Variants in CPM observed in about 807,000 individuals in gnomAD.
The protein encoded by CPM is carboxypeptidase M, also known as renal carboxypeptidase.
A neutral mutation model predicts 46.4 loss-of-function variants in CPM; 35 were observed. The observed-to-expected ratio is 0.75, with a 90% CI of 0.58 to 1.00. The LOEUF (loss-of-function observed/expected upper bound fraction) is 1.00, where lower values mean the gene tolerates loss of function less well. Among genes scored for constraint, CPM ranks in the 50% least tolerant of loss-of-function variants. CPM has a pLI of 0.00. For missense variants in CPM, 422 were observed against 530.4 expected (o/e 0.80, Z 2.01); for synonymous variants, 195 against 195.3 (o/e 1.00, Z 0.01).
intron 3 of CPM, among the ~76,000 whole-genome samples, chr12:68,876,487 A>G (rs2136239015): frequency 6.6e-6 from 1 of 152,350 alleles, no homozygotes; most frequent in African/African-American, 2.4e-5. Flanking sequence ...AGTCTTTGAC[A>G]GGAAACCCTG....
At chr12:68,928,620 T>C (rs1236047153) in intron 2 of CPM, among the ~76,000 whole-genome samples, 1 of 152,230 alleles carries the variant, frequency 6.6e-6, no homozygotes, top group African/African-American at 2.4e-5. Flanking sequence ...CAGAGACTAC[T>C]AAATTTGGCT....
chr12:68,953,612 G>A (rs1888969989), intron 1 of CPM, among the ~76,000 whole-genome samples: 2 of 152,292 alleles, frequency 1.3e-5, no homozygotes, highest in South Asian at 4.1e-4. Flanking sequence ...CAGGTGCTAT[G>A]TAACAGTGGC....
chr12:68,869,298 GA>G, intron 6 of CPM, 26 bp downstream of exon 6: 1 of 1,604,232 alleles, frequency 6.2e-7, no homozygotes, highest in Non-Finnish European at 8.5e-7. Flanking sequence ...GCAATAAGGA[GA>G]ATGGAAGAAA....
At chr12:68,877,058 G>A (rs1885990119) in intron 3 of CPM, among the ~76,000 whole-genome samples, 1 of 152,168 alleles carries the variant, frequency 6.6e-6, no homozygotes, top group Non-Finnish European at 1.5e-5. Context: ...ATAGATTTAA[G>A]TTATTTGTCT....
At chr12:68,890,108 C>T (rs574001069) in intron 2 of CPM, among the ~76,000 whole-genome samples, 2 of 152,080 alleles carry the variant, frequency 1.3e-5, no homozygotes, top group Admixed American at 6.5e-5. Flanking sequence ...AGGGTTCCAA[C>T]CAATACAAGA....
At chr12:68,896,627 C>G (rs150634940) in intron 2 of CPM, among the ~76,000 whole-genome samples, 2 of 152,194 alleles carry the variant, frequency 1.3e-5, no homozygotes, top group East Asian at 3.9e-4. Flanking sequence ...CTGGAAAGAA[C>G]CCAGTTTTCT....
At chr12:68,933,558 C>G (rs1251248697), upstream of CPM, among the ~76,000 whole-genome samples, 1 of 152,064 alleles carries the variant, frequency 6.6e-6, no homozygotes, top group Non-Finnish European at 1.5e-5. Flanking sequence ...TAGGGCTCGG[C>G]GGGTTTCCTG....
intron 7 of CPM, among the ~76,000 whole-genome samples, chr12:68,860,224 T>C (rs1885148629): frequency 6.6e-6 from 1 of 152,162 alleles, no homozygotes; most frequent in South Asian, 2.1e-4. Flanking sequence ...AGGAGGAAAA[T>C]GCCACATTTC....
intron 7 of CPM, among the ~76,000 whole-genome samples, chr12:68,865,896 C>T (rs547883549): frequency 2.0e-4 from 30 of 152,164 alleles, no homozygotes; most frequent in Non-Finnish European, 3.2e-4. Flanking sequence ...GCATCAGCAT[C>T]ACGTGGTAAG....
chr12:68,945,242 C>A (rs937285229), intron 1 of CPM, among the ~76,000 whole-genome samples: 11 of 152,164 alleles, frequency 7.2e-5, no homozygotes, highest in African/African-American at 2.2e-4. Context: ...TAGGGAGGGA[C>A]TGTTATCATC....
At chr12:68,962,727 C>T (rs1045142292) in intron 1 of CPM, among the ~76,000 whole-genome samples, 1 of 152,176 alleles carries the variant, frequency 6.6e-6, no homozygotes, top group Admixed American at 6.5e-5. Context: ...AGAACAGACT[C>T]CTTAAGTCTG....
chr12:68,871,003 G>A (rs1027732248), intron 4 of CPM, among the ~76,000 whole-genome samples: 1 of 152,206 alleles, frequency 6.6e-6, no homozygotes, highest in African/African-American at 2.4e-5. Flanking sequence ...TAAAATTGGA[G>A]GGAATCAAGT....
At position 68,892,420 on chromosome 12, in the gene CPM, T is replaced by C. The variant is rs527661298; in HGVS notation, c.161-6531A>G. 6.6e-5 allele frequency among the ~76,000 whole-genome samples: 10 copies of C among 152,256 alleles called. No homozygotes were observed. In the South Asian group the frequency reaches 1.5e-3, roughly 22 times the overall value. ...ATTTGATTAGCTGGTACATCCCAAA[T>C]TGCTCTCCATTTAAGGACTACAGGT... is the stretch of plus-strand genomic sequence containing the variant. On this transcript the variant is annotated intron_variant, in intron 2 of 8. Coordinates refer to ENST00000551568, the MANE Select transcript of CPM (RefSeq NM_198320.5).
chr12:68,874,293 G>A (rs1022201919), intron 3 of CPM, among the ~76,000 whole-genome samples: 1 of 152,106 alleles, frequency 6.6e-6, no homozygotes, highest in African/African-American at 2.4e-5. Flanking sequence ...GGGAGGAGCT[G>A]GTAACATAAA....
chr12:68,959,488 A>G (rs1055304978), intron 1 of CPM, among the ~76,000 whole-genome samples: 3 of 152,272 alleles, frequency 2.0e-5, no homozygotes, highest in Admixed American at 6.5e-5. Flanking sequence ...AGACTGAGTT[A>G]GTTTTCAAAT....
chr12:68,923,885 T>C (rs1191066246), intron 2 of CPM, among the ~76,000 whole-genome samples: 3 of 152,040 alleles, frequency 2.0e-5, no homozygotes, highest in African/African-American at 4.8e-5. Flanking sequence ...AATTTACATA[T>C]AGTGGCATCC....
At chr12:68,901,787 C>T (rs918838829) in intron 2 of CPM, among the ~76,000 whole-genome samples, 11 of 152,132 alleles carry the variant, frequency 7.2e-5, no homozygotes, top group Non-Finnish European at 1.5e-4. Context: ...CGGACTTATT[C>T]AGTCTCAATT....
chr12:68,871,728 T>A, intron 4 of CPM, 56 bp downstream of exon 4: 1 of 1,588,444 alleles, frequency 6.3e-7, no homozygotes. Context: ...CAGGTGCCTG[T>A]CGGGAGCCTT....
intron 1 of CPM, among the ~76,000 whole-genome samples, chr12:68,955,660 G>C (rs1347759539): frequency 1.3e-5 from 2 of 152,172 alleles, no homozygotes; most frequent in African/African-American, 4.8e-5. Context: ...CAGCAGAACA[G>C]TTCTTGAGGA....
Sources: gnomAD v4.1 joint callset for allele counts (sites outside exome capture counted in the v4.1 genomes callset) on GRCh38, gnomAD v4.1.1 for gene constraint, MANE v1.5 for transcripts, NCBI Gene and HGNC (gene_info 2026-07-23, HGNC 2026-07-21) for gene names.